Variants in SMG1 observed in about 807,000 individuals in gnomAD.
The protein encoded by SMG1 is serine/threonine-protein kinase SMG1.
Under a neutral mutation model 419.9 loss-of-function variants are expected in SMG1, and 22 were observed. That is an observed-to-expected ratio of 0.05 (90% CI 0.04 to 0.07). The LOEUF is 0.07. Among genes scored for constraint, SMG1 ranks in the 10% least tolerant of loss-of-function variants. The probability of loss-of-function intolerance (pLI) is 1.00; values close to 1 mark genes in which losing one functional copy is unlikely to be tolerated. For synonymous variants in SMG1, 1,538 were observed against 1,553.5 expected (o/e 0.99, Z 0.23); for missense variants, 3,185 against 4,342.0 (o/e 0.73, Z 7.49).
chr16:18,853,499 A>T (rs2034715164), intron 31 of SMG1, 84 bp downstream of exon 31: 1 of 1,156,374 alleles, frequency 8.6e-7, no homozygotes, highest in African/African-American at 1.6e-5. Context: ...GGAAAATTAT[A>T]GCCAGCATAA....
intron 1 of SMG1, among the ~76,000 whole-genome samples, chr16:18,910,706 A>G (rs1311163868): frequency 2.6e-5 from 4 of 152,194 alleles, no homozygotes; most frequent in Admixed American, 2.6e-4. Context: ...ATGATATGAT[A>G]TTTCCCATCT....
At chr16:18,837,748 TA>T (rs1365787282) in intron 45 of SMG1, among the ~76,000 whole-genome samples, 1 of 152,198 alleles carries the variant, frequency 6.6e-6, no homozygotes, top group Non-Finnish European at 1.5e-5. Context: ...TCATCACTGG[TA>T]AACACATTTC....
chr16:18,881,568 C>T (rs1487965480), intron 10 of SMG1, among the ~76,000 whole-genome samples: 4 of 152,162 alleles, frequency 2.6e-5, no homozygotes, highest in Admixed American at 6.5e-5. Context: ...ATGCTTCTTT[C>T]TCCTTATTCA....
chr16:18,897,177 T>C (rs575571516), intron 1 of SMG1, among the ~76,000 whole-genome samples: 1 of 152,330 alleles, frequency 6.6e-6, no homozygotes, highest in Non-Finnish European at 1.5e-5. Flanking sequence ...CTTCTATTGT[T>C]CTAAAGACCC....
Position 18,854,624 on chromosome 16 carries a change from C to G in SMG1, c.4483+32G>C, listed in dbSNP as rs370606270. 7.0e-6 allele frequency: 11 copies of G among 1,568,502 alleles called. No individual in the cohort carries two copies. In the South Asian group the frequency reaches 8.1e-5, roughly 12 times the overall value. ...ATTCATATACATGATTTTTATTATA[C>G]TCATGTATTAACCATAATTAATTTT... On this transcript the variant is annotated intron_variant, in intron 30 of 62. Transcript: ENST00000446231.
In SMG1 at chr16:18,809,394, G is replaced by T; in HGVS notation, c.*175C>A. The T allele has an allele frequency of 1.6e-6, 1 of 611,764 alleles. No homozygotes were observed. The highest frequency in any genetic ancestry group is 3.0e-6 in the Non-Finnish European group (1 of 331,566). 37.9% of individuals were successfully genotyped at this position (611,764 alleles called of 1,614,324 possible). The stretch of plus-strand genomic sequence containing the variant: ...GCCATGGTGTTGGGCGTATCCCTGA[G>T]TGCAGCTGTCCTGCGGGATTCACTT... On this transcript the variant is annotated 3_prime_UTR_variant, in exon 63 of 63. Coordinates refer to ENST00000446231, the MANE Select transcript of SMG1 (RefSeq NM_015092.5).
rs991336036 is a variant in SMG1 at position 18,868,322 on chromosome 16, T to C, written c.3063A>G (p.Gln1021=). 2 of 1,476,254 alleles carry C rather than the reference T, an allele frequency of 1.4e-6. No homozygotes were observed. Among genetic ancestry groups the C allele is most frequent in the African/African-American group, 1.4e-5 (1 of 72,034 alleles). The allele number at this position is 1,476,254 out of a possible 1,614,324, so 91.4% of individuals were successfully genotyped here. A position where few individuals can be genotyped will look rare whatever the true frequency, so the allele number is the denominator to read the frequency against. The stretch of plus-strand genomic sequence containing the variant: ...TCCGCGTTAGCCAGTCCTGACAAGT[T>C]TGGCGATTGGTATAGAAAAAAGTTC... The part of the protein sequence containing the change: ...VIRTFFYTNR[Q]TCQDWLTRIR... The change falls in exon 22 of 63, where the codon CAA becomes CAG. Residue 1021 remains glutamine (Q), a synonymous_variant. Transcript: ENST00000446231.
chr16:18,841,839 G>A (rs756463040), intron 40 of SMG1, 45 bp from the exon 41 acceptor site: 7 of 1,530,298 alleles, frequency 4.6e-6, no homozygotes, highest in Non-Finnish European at 5.4e-6. Flanking sequence ...GATTAAACAG[G>A]GTTGGGAGCA....
chr16:18,839,911 T>C lies in SMG1; in HGVS notation c.6732A>G (p.Gly2244=), dbSNP rs1333510862. 1.2e-6 allele frequency: 2 copies of C among 1,603,904 alleles called. No individual in the cohort carries two copies. Among genetic ancestry groups the C allele is most frequent in the East Asian group, 2.2e-5 (1 of 44,578 alleles). ...AAAGTTCACTAGGACGGGGTACAATTCCAGGATTCTGAGGAGTTTGGTAGG... is the reference window on the plus strand; with the variant it reads ...AAAGTTCACTAGGACGGGGTACAATCCCAGGATTCTGAGGAGTTTGGTAGG... ...QDSYQTPQNP[G]IVPRPSELYY... is the part of the protein sequence containing the mutation. The change falls in exon 42 of 63, where the codon GGA becomes GGG. Residue 2244 remains glycine (G), a synonymous_variant. Coordinates refer to ENST00000446231, the MANE Select transcript of SMG1 (RefSeq NM_015092.5).
rs1330123542 is a variant in SMG1 at position 18,892,464 on chromosome 16, T to C, written c.413-110A>G. On this transcript the variant is annotated intron_variant, in intron 3 of 62. Coordinates refer to ENST00000446231, the MANE Select transcript of SMG1 (RefSeq NM_015092.5). ...ATAATAACTAAATTATTATGGTGGCTCATGCCTGTAATCCCAGTACTTTGG... is the reference window on the plus strand; with the variant it reads ...ATAATAACTAAATTATTATGGTGGCCCATGCCTGTAATCCCAGTACTTTGG... 8.1e-6 allele frequency: 7 copies of C among 864,004 alleles called. No homozygotes were observed. In the East Asian group the frequency reaches 1.9e-4, roughly 23 times the overall value. The allele number at this position is 864,004 out of a possible 1,614,324, so 53.5% of individuals were successfully genotyped here. A position where few individuals can be genotyped will look rare whatever the true frequency, so the allele number is the denominator to read the frequency against.
At chr16:18,859,928 G>GT (rs2035124242) in intron 26 of SMG1, among the ~76,000 whole-genome samples, 1 of 152,130 alleles carries the variant, frequency 6.6e-6, no homozygotes, top group Admixed American at 6.5e-5. Context: ...CCAAAAATCA[G>GT]TAAGTCGAGG....
chr16:18,830,546 G>A (rs1164013085), intron 51 of SMG1, among the ~76,000 whole-genome samples, 177 bp from the exon 52 acceptor site: 1 of 152,118 alleles, frequency 6.6e-6, no homozygotes, highest in African/African-American at 2.4e-5. Context: ...CCAGCACTTT[G>A]GCAGGCCGAG....
rs965368415 is a variant in SMG1, at chr16:18,838,093, G to A, written c.7334C>T (p.Ala2445Val). 6.2e-7 allele frequency: 1 copy of A among 1,613,910 alleles called. No homozygotes were observed. The highest frequency in any genetic ancestry group is 8.5e-7 in the Non-Finnish European group (1 of 1,179,882). Residue 2445 changes from alanine to valine, a missense_variant, in exon 45 of 63, where the codon GCC (alanine) becomes GTC (valine). Around this residue, in one of 27 missense-constraint regions of SMG1, gnomAD observed 412 missense variants for 546.6 expected, o/e 0.75. Transcript: ENST00000446231. The stretch of plus-strand genomic sequence containing the variant: ...CTCTCTCTTGCTCTGCTTGCTCTCG[G>A]CCTGCTGGCCACCTCCACCATAGAC... ...GAVYGGGGQQ[A>V]ESKQSKREME... is the part of the protein sequence containing the mutation.
At position 18,926,135 on chromosome 16, in the gene SMG1, G is replaced by C; in HGVS notation, c.-94C>G. 2.6e-6 allele frequency: 3 copies of C among 1,168,402 alleles called. No homozygotes were observed. The highest frequency in any genetic ancestry group is 3.0e-5 in the East Asian group (1 of 33,236). 72.4% of individuals were successfully genotyped at this position (1,168,402 alleles called of 1,614,324 possible). On this transcript the variant is annotated 5_prime_UTR_variant, in exon 1 of 63. Transcript: ENST00000446231. Reference sequence around the variant, plus strand: ...CGCCGCCGACACCCCGCTCCGGCCCGGGGCTGAGGAGGAAGCCGAGAAGGA... The same window carrying C: ...CGCCGCCGACACCCCGCTCCGGCCCCGGGCTGAGGAGGAAGCCGAGAAGGA...
intron 1 of SMG1, among the ~76,000 whole-genome samples, chr16:18,918,234 G>C (rs1567465060): frequency 6.6e-6 from 1 of 152,046 alleles, no homozygotes; most frequent in Non-Finnish European, 1.5e-5. Flanking sequence ...TTGTGCTCCA[G>C]CCTGGGCAAC....
At position 18,831,159 on chromosome 16, in the gene SMG1, C is replaced by G. The variant is rs149894073; in HGVS notation, c.8793-790G>C. Reference sequence around the variant, plus strand: ...CCCCTCACATTACCATTAAGACTTACATAGTGCTTATGTATCCAGGCACTA... The same window carrying G: ...CCCCTCACATTACCATTAAGACTTAGATAGTGCTTATGTATCCAGGCACTA... On this transcript the variant is annotated intron_variant, in intron 51 of 62. Transcript: ENST00000446231. 1.3e-4 allele frequency among the ~76,000 whole-genome samples: 20 copies of G among 152,276 alleles called. No individual in the cohort carries two copies. In the East Asian group the frequency reaches 3.7e-3, roughly 28 times the overall value.
intron 23 of SMG1, among the ~76,000 whole-genome samples, chr16:18,865,303 G>A (rs1567390555): frequency 1.3e-5 from 2 of 152,078 alleles, no homozygotes; most frequent in African/African-American, 2.4e-5. Context: ...TTTTGCTGAC[G>A]GTGGTGGCAG....
intron 33 of SMG1, among the ~76,000 whole-genome samples, chr16:18,851,006 C>T (rs1015730384): frequency 6.6e-6 from 1 of 152,166 alleles, no homozygotes. Flanking sequence ...CCGCCTGCCT[C>T]GGCTTCTCAA....
rs369208095 is a variant in SMG1, at chr16:18,836,239, C to T, written c.7778-27G>A. ...TTTTGGTAAAAGACATTATTAAACA[C>T]AGTAAAACAGGGTCAAGTCAGCTGT... On this transcript the variant is annotated intron_variant, in intron 47 of 62. Coordinates refer to ENST00000446231, the MANE Select transcript of SMG1 (RefSeq NM_015092.5). The T allele has an allele frequency of 1.1e-5, 17 of 1,603,754 alleles. No individual in the cohort carries two copies. The African/African-American group carries it at 1.7e-4, about 16-fold the overall frequency.
Sources: gnomAD v4.1 joint callset for allele counts (sites outside exome capture counted in the v4.1 genomes callset) on GRCh38, gnomAD v4.1.1 for gene constraint, gnomAD v4.1.1 regional missense constraint, MANE v1.5 for transcripts, NCBI Gene and HGNC (gene_info 2026-07-23, HGNC 2026-07-21) for gene names.